CDC45: variants seen among roughly 807,000 people sequenced by gnomAD.
CDC45 encodes the protein cell division cycle 45.
CDC45 carries 54 observed loss-of-function variants against 77.8 expected under a neutral mutation model. The ratio of observed to expected loss-of-function variants is 0.69; its 90% confidence interval spans 0.56 to 0.87. CDC45 has a LOEUF of 0.87. CDC45 is among the 40% of genes least tolerant of loss of function. The pLI is 0.00. For missense variants in CDC45, 649 were observed against 721.6 expected, an observed-to-expected ratio of 0.90 and a Z score of 1.15; for synonymous variants, 260 against 272.1, an observed-to-expected ratio of 0.96 and a Z score of 0.44.
chr22:19,519,192 C>T (rs1166086223), intron 18 of CDC45, among the ~76,000 whole-genome samples: 3 of 152,224 alleles, frequency 2.0e-5, no homozygotes, highest in East Asian at 3.9e-4. Context: ...GGCTGGGCAT[C>T]GCGTGTGACA....
At chr22:19,517,917 G>T (rs574662668) in intron 17 of CDC45, among the ~76,000 whole-genome samples, 1 of 152,330 alleles carries the variant, frequency 6.6e-6, no homozygotes, top group Admixed American at 6.5e-5. Context: ...GCACCTCTGA[G>T]AAAGGATATT....
chr22:19,479,848 A>G (rs958934901), upstream of CDC45: 2 of 966,298 alleles, frequency 2.1e-6, no homozygotes, highest in African/African-American at 3.2e-5. Context: ...GCTGGGAACT[A>G]AGAAGCTATT....
chr22:19,503,964 G>C (rs1053003109), intron 9 of CDC45, among the ~76,000 whole-genome samples: 1 of 152,266 alleles, frequency 6.6e-6, no homozygotes, highest in Admixed American at 6.5e-5. Context: ...CCTGTCAACA[G>C]GCAGGGCACG....
chr22:19,508,817 A>G, intron 13 of CDC45, 126 bp downstream of exon 13: 3 of 807,520 alleles, frequency 3.7e-6, no homozygotes, highest in Non-Finnish European at 5.9e-6. Flanking sequence ...GCTTGGGTGA[A>G]CTGGAATCAC....
In CDC45 at chr22:19,507,504, C is replaced by T. The variant is rs1437880545; in HGVS notation, c.943C>T (p.Leu315Phe). The T allele has an allele frequency of 1.2e-6, 2 of 1,614,170 alleles. No individual in the cohort carries two copies. Residue 315 changes from leucine (L) to phenylalanine (F), a missense_variant, in exon 11 of 19, where the codon CTT becomes TTT. Physicochemically the swap from Leu to Phe is conservative, Grantham distance 22. Transcript: ENST00000263201. ...TGGACAGAAGCGGCTCCAGGAGTTC[C>T]TTGCAGACATGGGGTGAGTGACTGC... Reference protein sequence around the residue: ...VHGQKRLQEFLADMGLPLKQV... With the variant: ...VHGQKRLQEFFADMGLPLKQV...
intron 5 of CDC45, among the ~76,000 whole-genome samples, chr22:19,491,015 A>G (rs954461408): frequency 1.3e-5 from 2 of 151,204 alleles, no homozygotes; most frequent in African/African-American, 2.4e-5. Context: ...TTTAGTAGAG[A>G]TGGTTTTCAC....
chr22:19,494,153 G>T (rs578175219), intron 5 of CDC45, among the ~76,000 whole-genome samples, 174 bp from the exon 6 acceptor site: 133 of 152,274 alleles, frequency 8.7e-4, no homozygotes, highest in African/African-American at 2.2e-3. Flanking sequence ...GCCATCCCTT[G>T]CCTCCATGCC....
intron 5 of CDC45, among the ~76,000 whole-genome samples, chr22:19,486,449 CT>C (rs1325278788): frequency 7.2e-5 from 11 of 152,142 alleles, no homozygotes; most frequent in African/African-American, 1.7e-4. Flanking sequence ...TACCTTACCT[CT>C]TTTTTTTCTT....
chr22:19,518,863 G>T lies in CDC45; in HGVS notation c.1656G>T (p.Glu552Asp), dbSNP rs754972008. 1.2e-6 allele frequency: 2 copies of T among 1,614,026 alleles called. No individual in the cohort carries two copies. Among genetic ancestry groups the T allele is most frequent in the East Asian group, 4.5e-5 (2 of 44,886 alleles). ...FDLSVIELKA[E>D]DRSKFLDALI... ...CTTCAGTAATTGAGCTGAAAGCTGAGGATCGGAGCAAGTTTCTGGACGCAC... is the reference window on the plus strand; with the variant it reads ...CTTCAGTAATTGAGCTGAAAGCTGATGATCGGAGCAAGTTTCTGGACGCAC... The change falls in exon 18 of 19, where the codon GAG becomes GAT. Residue 552 changes from glutamate to aspartate, a missense_variant. Transcript: ENST00000263201.
At chr22:19,512,219 C>T (rs1933556224) in intron 13 of CDC45, among the ~76,000 whole-genome samples, 1 of 152,200 alleles carries the variant, frequency 6.6e-6, no homozygotes, top group Non-Finnish European at 1.5e-5. Flanking sequence ...ACCAGGACTC[C>T]TTGCACTCCA....
intron 1 of CDC45, 61 bp from the exon 2 acceptor site, chr22:19,480,097 G>A: frequency 6.2e-7 from 1 of 1,611,928 alleles, no homozygotes; most frequent in Non-Finnish European, 8.5e-7. Flanking sequence ...GGGTGACCGG[G>A]AGGCAGGGGA....
Position 19,516,845 on chromosome 22 carries a change from G to T in CDC45, c.1588G>T (p.Ala530Ser), listed in dbSNP as rs1398091592. 6.2e-7 allele frequency: 1 copy of T among 1,614,176 alleles called. No homozygotes were observed. ...TTTTGGGAGGGCGTTTGAGAAGGCA[G>T]CGGAAAGCACCAGCTCCCGGATGCT... ...NFFGRAFEKA[A>S]ESTSSRMLHN... Residue 530 changes from alanine to serine, a missense_variant, in exon 17 of 19, where the codon GCG (alanine) becomes TCG (serine). Coordinates refer to ENST00000263201, the MANE Select transcript of CDC45 (RefSeq NM_003504.5).
At chr22:19,493,628 G>A (rs574146487) in intron 5 of CDC45, among the ~76,000 whole-genome samples, 6 of 152,070 alleles carry the variant, frequency 3.9e-5, no homozygotes, top group Non-Finnish European at 7.4e-5. Context: ...ATTTTAAGTA[G>A]AGACGGGGTT....
chr22:19,482,536 G>C (rs2089999088), intron 3 of CDC45, among the ~76,000 whole-genome samples, 154 bp from the exon 4 acceptor site: 1 of 152,248 alleles, frequency 6.6e-6, no homozygotes, highest in Non-Finnish European at 1.5e-5. Flanking sequence ...CACTTAGCAT[G>C]CCAGCCTGGC....
At chr22:19,480,359 T>A in intron 2 of CDC45, 142 bp downstream of exon 2, 2 of 785,312 alleles carry the variant, frequency 2.5e-6, no homozygotes, top group Non-Finnish European at 4.4e-6. Flanking sequence ...GAACAGCAAG[T>A]GAGAGGAGAG....
Position 19,479,966 on chromosome 22 carries a change from G to T in CDC45, c.-3G>T. On this transcript the variant is annotated 5_prime_UTR_variant, in exon 1 of 19. Coordinates refer to ENST00000263201, the MANE Select transcript of CDC45 (RefSeq NM_003504.5). The stretch of plus-strand genomic sequence containing the variant: ...GAGCGCCAGGCGTCCGGCCGCCGTG[G>T]CTATGTTCGTGTCCGATTTCCGCAA... 2 of 1,613,416 alleles carry T rather than the reference G, an allele frequency of 1.2e-6. No individual in the cohort carries two copies. Among genetic ancestry groups the T allele is most frequent in the Non-Finnish European group, 1.7e-6 (2 of 1,180,026 alleles).
Position 19,480,947 on chromosome 22 carries a change from C to A in CDC45, c.112-6C>A. 3.1e-6 allele frequency: 5 copies of A among 1,602,194 alleles called. No homozygotes were observed. Among genetic ancestry groups the A allele is most frequent in the Non-Finnish European group, 4.3e-6 (5 of 1,170,840 alleles). On this transcript the variant is annotated splice_region_variant and splice_polypyrimidine_tract_variant and intron_variant, in intron 2 of 18. Transcript: ENST00000263201. ...AAGATAGGCTTTGAAAACACTCTCT[C>A]TCCAGGCCTTGTTCCAGTGTGACCA...
At chr22:19,515,283 G>A (rs560955834) in intron 15 of CDC45, among the ~76,000 whole-genome samples, 46 of 152,318 alleles carry the variant, frequency 3.0e-4, no homozygotes, top group African/African-American at 1.1e-3. Flanking sequence ...CAAGTAGGGA[G>A]GGGCCCTTGC....
chr22:19,507,631 C>T (rs1303231749), intron 11 of CDC45, 114 bp downstream of exon 11: 3 of 1,427,546 alleles, frequency 2.1e-6, no homozygotes, highest in African/African-American at 2.8e-5. Context: ...CTGCCATAAG[C>T]TCCTTGCCCT....
Sources: allele counts gnomAD v4.1 joint callset (sites outside exome capture counted in the v4.1 genomes callset), GRCh38; gene constraint gnomAD v4.1.1; transcripts MANE v1.5; gene names NCBI Gene and HGNC (gene_info 2026-07-23, HGNC 2026-07-21).